LDB2: variants seen among roughly 807,000 people sequenced by gnomAD.
LDB2 encodes the protein LIM domain binding 2.
LDB2 carries 12 observed loss-of-function variants against 44.3 expected under a neutral mutation model. That is an observed-to-expected ratio of 0.27 (90% confidence interval 0.17 to 0.44). The LOEUF (loss-of-function observed/expected upper bound fraction) is 0.44, where lower values mean the gene tolerates loss of function less well. Among genes scored for constraint, LDB2 ranks in the 20% least tolerant of loss-of-function variants. The pLI is 1.00. For synonymous variants in LDB2, 164 were observed against 174.8 expected (o/e 0.94, Z 0.49); for missense variants, 344 against 473.5 (o/e 0.73, Z 2.54).
intron 3 of LDB2, among the ~76,000 whole-genome samples, chr4:16,594,514 C>T (rs534926618): frequency 6.8e-4 from 103 of 152,254 alleles, no homozygotes; most frequent in African/African-American, 2.4e-3. Flanking sequence ...AAAAAGTCTA[C>T]GGACAAAATT....
At chr4:16,532,542 A>G (rs1040198363) in intron 5 of LDB2, among the ~76,000 whole-genome samples, 3 of 152,234 alleles carry the variant, frequency 2.0e-5, no homozygotes, top group Admixed American at 6.5e-5. Flanking sequence ...TGCCAGCTAT[A>G]TTAACACTAG....
chr4:16,655,987 C>G (rs569035927), intron 2 of LDB2, among the ~76,000 whole-genome samples: 28 of 145,204 alleles, frequency 1.9e-4, no homozygotes, highest in African/African-American at 6.6e-4. Context: ...GCAAGCTCCA[C>G]CTCCCGGGTT....
At chr4:16,849,287 A>C (rs1291461800) in intron 1 of LDB2, among the ~76,000 whole-genome samples, 1 of 151,956 alleles carries the variant, frequency 6.6e-6, no homozygotes, top group Non-Finnish European at 1.5e-5. Context: ...ACCCCAACTA[A>C]AGTAGCCCCA....
intron 1 of LDB2, among the ~76,000 whole-genome samples, chr4:16,773,683 A>G (rs1320521661): frequency 6.6e-6 from 1 of 152,138 alleles, no homozygotes; most frequent in Non-Finnish European, 1.5e-5. Flanking sequence ...AGTTCCTGTT[A>G]GGAACCCGTA....
At chr4:16,695,514 G>A (rs1349088645) in intron 2 of LDB2, among the ~76,000 whole-genome samples, 1 of 151,614 alleles carries the variant, frequency 6.6e-6, no homozygotes, top group Admixed American at 6.6e-5. Flanking sequence ...GTAAAAAGAA[G>A]TTATACAAAA....
intron 1 of LDB2, among the ~76,000 whole-genome samples, chr4:16,879,412 C>A (rs990434313): frequency 6.6e-6 from 1 of 152,120 alleles, no homozygotes; most frequent in Non-Finnish European, 1.5e-5. Context: ...GGGTAGAACT[C>A]GCTGTTAGAA....
chr4:16,677,739 T>A (rs1183315642), intron 2 of LDB2, among the ~76,000 whole-genome samples: 1 of 152,260 alleles, frequency 6.6e-6, no homozygotes, highest in South Asian at 2.1e-4. Flanking sequence ...TGACAAATGC[T>A]AAGCCAGATG....
At chr4:16,783,750 G>C (rs1410814994) in intron 1 of LDB2, among the ~76,000 whole-genome samples, 1 of 152,168 alleles carries the variant, frequency 6.6e-6, no homozygotes, top group Non-Finnish European at 1.5e-5. Context: ...TGGCCAAAGT[G>C]CCCCTTGATT....
intron 2 of LDB2, among the ~76,000 whole-genome samples, chr4:16,654,272 TC>T (rs1404165545): frequency 6.6e-6 from 1 of 152,100 alleles, no homozygotes; most frequent in Admixed American, 6.6e-5. Context: ...GATTTTTCCC[TC>T]CCTCCAAATC....
At chr4:16,512,446 C>CAAACA (rs979201867) in intron 5 of LDB2, among the ~76,000 whole-genome samples, 1 of 126,056 alleles carries the variant, frequency 7.9e-6, no homozygotes, top group Non-Finnish European at 1.8e-5. Context: ...TGGTTAAAAA[C>CAAACA]AAACAAAACA....
chr4:16,770,218 TG>T lies in LDB2; in HGVS notation c.133-10959del, dbSNP rs1429529771. On this transcript the variant is annotated intron_variant, in intron 1 of 7. Transcript: ENST00000304523. The stretch of plus-strand genomic sequence containing the variant: ...TTGAGGGCAACATCTTACCCATGTC[TG>T]GTGTGTTTTACATGCACAGTATCTA... 2.0e-5 allele frequency among the ~76,000 whole-genome samples: 3 copies of T among 152,214 alleles called. No homozygotes were observed. In the East Asian group the frequency reaches 5.8e-4, roughly 29 times the overall value.
intron 5 of LDB2, among the ~76,000 whole-genome samples, chr4:16,522,223 G>A (rs565384818): frequency 6.6e-6 from 1 of 151,988 alleles, no homozygotes; most frequent in East Asian, 1.9e-4. Context: ...TTTAAAACTT[G>A]GCACGACCTA....
In LDB2 at chr4:16,721,060, C is replaced by T. The variant is rs1466760619; in HGVS notation, c.235+38098G>A. Among the ~76,000 whole-genome samples, 3 of 152,130 alleles carry T rather than the reference C, an allele frequency of 2.0e-5. No homozygotes were observed. In the East Asian group the frequency reaches 5.8e-4, roughly 29 times the overall value. On this transcript the variant is annotated intron_variant, in intron 2 of 7. Transcript: ENST00000304523. ...TTGACAAACCATAAACTCCCTTATTCCAAAACTATGTCCTCTGGCAATTTA... is the reference window on the plus strand; with the variant it reads ...TTGACAAACCATAAACTCCCTTATTTCAAAACTATGTCCTCTGGCAATTTA...
chr4:16,542,735 A>T (rs73128939), intron 5 of LDB2, among the ~76,000 whole-genome samples: 41,262 of 151,488 alleles, frequency 0.27, 6,478 homozygotes, highest in African/African-American at 0.43. Flanking sequence ...ATTTTTTTTT[A>T]ACCAATTTAC....
At chr4:16,838,289 CA>C (rs1190507597) in intron 1 of LDB2, among the ~76,000 whole-genome samples, 1 of 152,154 alleles carries the variant, frequency 6.6e-6, no homozygotes, top group African/African-American at 2.4e-5. Flanking sequence ...CGGAGATCAG[CA>C]AGCAACAGAT....
chr4:16,612,970 T>G (rs1383176668), intron 2 of LDB2, among the ~76,000 whole-genome samples: 1 of 152,170 alleles, frequency 6.6e-6, no homozygotes, highest in Non-Finnish European at 1.5e-5. Context: ...ACTGGTAAAC[T>G]GAATCCAGCA....
chr4:16,649,422 G>C (rs1737664497), intron 2 of LDB2, among the ~76,000 whole-genome samples: 1 of 151,638 alleles, frequency 6.6e-6, no homozygotes, highest in Admixed American at 6.6e-5. Flanking sequence ...ATGAGAGAGA[G>C]AGAGAGAACT....
At chr4:16,781,533 A>C (rs967490404) in intron 1 of LDB2, among the ~76,000 whole-genome samples, 1 of 152,120 alleles carries the variant, frequency 6.6e-6, no homozygotes, top group Non-Finnish European at 1.5e-5. Flanking sequence ...AAGTAGATGG[A>C]GTAGATCATG....
rs550422298 is a variant in LDB2 at position 16,652,637 on chromosome 4, T to C, written c.236-56762A>G. Among the ~76,000 whole-genome samples the C allele has an allele frequency of 1.2e-4, 19 of 152,258 alleles. No homozygotes were observed. The South Asian group carries it at 3.7e-3, about 30-fold the overall frequency. On this transcript the variant is annotated intron_variant, in intron 2 of 7. Transcript: ENST00000304523. ...CCCAGCTAGACATCGGGTACCACTT[T>C]AGGAGATCAAAAGCCGTCTGTCTGT...
Sources: gnomAD v4.1 joint callset for allele counts (sites outside exome capture counted in the v4.1 genomes callset) on GRCh38, gnomAD v4.1.1 for gene constraint, MANE v1.5 for transcripts, NCBI Gene and HGNC (gene_info 2026-07-23, HGNC 2026-07-21) for gene names.